The following MAP1B variants were observed in gnomAD, a reference collection of about 807,000 sequenced individuals.
The protein encoded by MAP1B is microtubule-associated protein 1B.
MAP1B carries 12 observed loss-of-function variants against 176.1 expected under a neutral mutation model. The ratio of observed to expected loss-of-function variants is 0.07; its 90% CI spans 0.04 to 0.11. The LOEUF is 0.11. Among genes scored for constraint, MAP1B ranks in the 10% least tolerant of loss-of-function variants. The pLI is 1.00. For missense variants in MAP1B, 2,523 were observed against 2,990.5 expected (o/e 0.84, Z 3.65); for synonymous variants, 1,044 against 1,135.0 (o/e 0.92, Z 1.61).
intron 2 of MAP1B, among the ~76,000 whole-genome samples, chr5:72,138,711 G>A (rs1745882731): frequency 1.3e-5 from 2 of 152,138 alleles, no homozygotes. Context: ...TATCTTCGAA[G>A]AATCTTTACT....
At chr5:72,135,611 G>C (rs1579989786) in intron 2 of MAP1B, among the ~76,000 whole-genome samples, 1 of 152,262 alleles carries the variant, frequency 6.6e-6, no homozygotes, top group East Asian at 1.9e-4. Flanking sequence ...AATTTTTCTT[G>C]GGAGTTTTTA....
chr5:72,113,940 C>T (rs1050243816), intron 1 of MAP1B, among the ~76,000 whole-genome samples: 8 of 152,186 alleles, frequency 5.3e-5, no homozygotes, highest in African/African-American at 1.9e-4. Flanking sequence ...TCTCAACATG[C>T]CTTTCTTGTT....
At chr5:72,143,289 C>A (rs1745982207) in intron 2 of MAP1B, among the ~76,000 whole-genome samples, 1 of 152,146 alleles carries the variant, frequency 6.6e-6, no homozygotes, top group Non-Finnish European at 1.5e-5. Flanking sequence ...TAGTGCAATC[C>A]AAGTGGCAAA....
In MAP1B at chr5:72,204,747, T is replaced by C. The variant is rs1385262402; in HGVS notation, c.7252-337T>C. 6.6e-6 allele frequency among the ~76,000 whole-genome samples: 1 copy of C among 152,208 alleles called. No homozygotes were observed. The highest frequency in any genetic ancestry group is 2.4e-5 in the African/African-American group (1 of 41,450). On this transcript the variant is annotated intron_variant, in intron 6 of 6. Coordinates refer to ENST00000296755, the MANE Select transcript of MAP1B (RefSeq NM_005909.5). This position sits in a 1 kb window ranked among gnomAD's most constrained non-coding sequence, Gnocchi z 4.4. The stretch of plus-strand genomic sequence containing the variant: ...AAATCCTTGGATTAAATATGCAATA[T>C]CTTTTATGCAAAACTTACCAGTTGT...
intron 2 of MAP1B, among the ~76,000 whole-genome samples, chr5:72,129,897 A>C (rs963712901): frequency 2.6e-5 from 4 of 152,222 alleles, no homozygotes; most frequent in Non-Finnish European, 5.9e-5. Context: ...ATTGTTTTAC[A>C]CATAGAACAG....
At chr5:72,180,990 T>C (rs146369453) in intron 2 of MAP1B, among the ~76,000 whole-genome samples, 227 of 152,350 alleles carry the variant, frequency 1.5e-3, no homozygotes, top group Non-Finnish European at 2.3e-3. Flanking sequence ...CTTGACCACT[T>C]ACTAGTTGTG....
At chr5:72,166,557 A>T (rs1341932461) in intron 2 of MAP1B, among the ~76,000 whole-genome samples, 1 of 152,048 alleles carries the variant, frequency 6.6e-6, no homozygotes, top group African/African-American at 2.4e-5. Flanking sequence ...TGTCTTCCTG[A>T]TTCTCCCCCT....
Position 72,199,711 on chromosome 5 carries a change from C to G in MAP1B, c.6356C>G (p.Ser2119Cys), listed in dbSNP as rs1364593380. 3 of 1,614,068 alleles carry G rather than the reference C, an allele frequency of 1.9e-6. No homozygotes were observed. In the African/African-American group the frequency reaches 4.0e-5, roughly 22 times the overall value. Reference sequence around the variant, plus strand: ...GCCAGTGAAGAACCCACTGAAGAATCTGAAAAGCCCCTCACTCAATCAGGG... The same window carrying G: ...GCCAGTGAAGAACCCACTGAAGAATGTGAAAAGCCCCTCACTCAATCAGGG... ...WFASEEPTEE[S>C]EKPLTQSGGA... Residue 2119 changes from serine (S) to cysteine (C), a missense_variant, in exon 5 of 7, where the codon TCT (serine) becomes TGT (cysteine). By Grantham distance (112) the Ser-to-Cys change is moderately radical (BLOSUM62 -1). Coordinates refer to ENST00000296755, the MANE Select transcript of MAP1B (RefSeq NM_005909.5). This position sits in a 1 kb window ranked among gnomAD's most constrained non-coding sequence, Gnocchi z 4.2.
At position 72,198,308 on chromosome 5, in the gene MAP1B, A is replaced by G. The variant is rs1368348669; in HGVS notation, c.4953A>G (p.Gln1651=). The G allele has an allele frequency of 4.3e-6, 7 of 1,614,100 alleles. No individual in the cohort carries two copies. The African/African-American group carries it at 9.3e-5, about 22-fold the overall frequency. The change falls in exon 5 of 7, where the codon CAA becomes CAG. Residue 1651 remains glutamine, a synonymous_variant. Coordinates refer to ENST00000296755, the MANE Select transcript of MAP1B (RefSeq NM_005909.5). The part of the protein sequence containing the change: ...EQSSMSIEFG[Q]ESPEQSLAMD... Reference sequence around the variant, plus strand: ...CCTCAATGTCTATTGAATTTGGCCAAGAATCTCCTGAGCAATCCCTTGCTA... The same window carrying G: ...CCTCAATGTCTATTGAATTTGGCCAGGAATCTCCTGAGCAATCCCTTGCTA...
chr5:72,127,487 T>A (rs997353876), intron 2 of MAP1B, among the ~76,000 whole-genome samples: 5 of 152,190 alleles, frequency 3.3e-5, no homozygotes, highest in African/African-American at 1.2e-4. Flanking sequence ...TGCAAAAAAG[T>A]GTTAATTCAC....
Position 72,183,771 on chromosome 5 carries a change from C to T in MAP1B, c.315C>T (p.Asp105=), listed in dbSNP as rs769719740. 39 of 1,614,094 alleles carry T rather than the reference C, an allele frequency of 2.4e-5. No individual in the cohort carries two copies. The highest frequency in any genetic ancestry group is 1.6e-4 in the Middle Eastern group (1 of 6,062). Residue 105 remains aspartate (D), a synonymous_variant, in exon 3 of 7, where the codon GAC becomes GAT. Coordinates refer to ENST00000296755, the MANE Select transcript of MAP1B (RefSeq NM_005909.5). ...PGQKILHHRS[D]VLETVVLINP... is the part of the protein sequence containing the mutation. ...AAAAGATCCTTCATCACCGAAGTGACGTTTTAGAAACAGTGGTCCTGATCA... is the reference window on the plus strand; with the variant it reads ...AAAAGATCCTTCATCACCGAAGTGATGTTTTAGAAACAGTGGTCCTGATCA...
At chr5:72,121,962 T>C (rs537679224) in intron 2 of MAP1B, among the ~76,000 whole-genome samples, 61 of 152,326 alleles carry the variant, frequency 4.0e-4, no homozygotes, top group African/African-American at 1.4e-3. Context: ...ATGTTTTCTG[T>C]GTTGTTTGTG....
intron 2 of MAP1B, among the ~76,000 whole-genome samples, chr5:72,151,414 G>C (rs1746138443): frequency 6.6e-6 from 1 of 152,136 alleles, no homozygotes; most frequent in Admixed American, 6.5e-5. Context: ...CATGTCCAAA[G>C]CATTGCAGTG....
intron 5 of MAP1B, 139 bp downstream of exon 5, chr5:72,200,506 C>T (rs1580030308): frequency 1.8e-6 from 2 of 1,106,410 alleles, no homozygotes; most frequent in African/African-American, 1.6e-5. Flanking sequence ...GTACTCTTCT[C>T]CTCTGCCCAA....
At chr5:72,124,994 C>A (rs566370877) in intron 2 of MAP1B, among the ~76,000 whole-genome samples, 27 of 152,154 alleles carry the variant, frequency 1.8e-4, no homozygotes, top group Non-Finnish European at 3.1e-4. Context: ...GGAACCCAGG[C>A]GAACAATGCT....
rs1300064964 is a variant in MAP1B, at chr5:72,165,514, G to T, written c.287-18229G>T. ...GGGATTCAATGGTCCGAAGGAGTCTGTGGCCAGGAGGAAGAACCAAGAACA... is the reference window on the plus strand; with the variant it reads ...GGGATTCAATGGTCCGAAGGAGTCTTTGGCCAGGAGGAAGAACCAAGAACA... On this transcript the variant is annotated intron_variant, in intron 2 of 6. Coordinates refer to ENST00000296755, the MANE Select transcript of MAP1B (RefSeq NM_005909.5). 2.0e-5 allele frequency among the ~76,000 whole-genome samples: 3 copies of T among 152,192 alleles called. No individual in the cohort carries two copies. The East Asian group carries it at 5.8e-4, about 29-fold the overall frequency.
chr5:72,164,732 T>A (rs1249811788), intron 2 of MAP1B, among the ~76,000 whole-genome samples: 1 of 152,182 alleles, frequency 6.6e-6, no homozygotes, highest in Non-Finnish European at 1.5e-5. Context: ...CCTCTGCATA[T>A]CCTCAGGGAC....
Position 72,198,773 on chromosome 5 carries a change from A to G in MAP1B, c.5418A>G (p.Ala1806=). Residue 1806 remains alanine (A), a synonymous_variant, in exon 5 of 7, where the codon GCA becomes GCG. Coordinates refer to ENST00000296755, the MANE Select transcript of MAP1B (RefSeq NM_005909.5). ...YSPTFSDSTS[A]VKEKTATCHS... is the part of the protein sequence containing the mutation. ...CTACTTTTTCAGATTCTACCTCTGCAGTCAAAGAGAAAACAGCAACTTGCC... is the reference window on the plus strand; with the variant it reads ...CTACTTTTTCAGATTCTACCTCTGCGGTCAAAGAGAAAACAGCAACTTGCC... The G allele has an allele frequency of 6.2e-7, 1 of 1,614,204 alleles. No homozygotes were observed. Among genetic ancestry groups the G allele is most frequent in the East Asian group, 2.2e-5 (1 of 44,890 alleles).
Position 72,186,492 on chromosome 5 carries a change from T to G in MAP1B, c.370-122T>G. ...CTGGCCTCCAGGAGAAATTAGACCT[T>G]TGGGGAATGAATGCTTTTTGCTGGT... On this transcript the variant is annotated intron_variant, in intron 3 of 6. Transcript: ENST00000296755. The surrounding 1 kb of genome is among the most constrained non-coding windows in gnomAD (Gnocchi z 4.3). 8.1e-7 allele frequency: 1 copy of G among 1,234,802 alleles called. No homozygotes were observed. Among genetic ancestry groups the G allele is most frequent in the Non-Finnish European group, 1.1e-6 (1 of 880,758 alleles). The allele number at this position is 1,234,802 out of a possible 1,614,324, so 76.5% of individuals were successfully genotyped here.
Sources: gnomAD v4.1 joint callset for allele counts (sites outside exome capture counted in the v4.1 genomes callset) on GRCh38, gnomAD v4.1.1 for gene constraint, Gnocchi (gnomAD v3.1) non-coding constraint, MANE v1.5 for transcripts, NCBI Gene and HGNC (gene_info 2026-07-23, HGNC 2026-07-21) for gene names.